Variants in KHDRBS2 observed in about 807,000 individuals in gnomAD.
The protein encoded by KHDRBS2 is KH RNA binding domain containing, signal transduction associated 2, also known as KH domain-containing, RNA-binding, signal transduction-associated protein 2.
In KHDRBS2, 26 loss-of-function variants were observed where a neutral mutation model predicts 44.3. The ratio of observed to expected loss-of-function variants is 0.59; its 90% confidence interval spans 0.43 to 0.81. KHDRBS2 has a LOEUF of 0.81. Among genes scored for constraint, KHDRBS2 ranks in the 40% least tolerant of loss-of-function variants. The pLI is 0.00. For synonymous variants in KHDRBS2, 194 were observed against 151.1 expected, an observed-to-expected ratio of 1.28 and a Z score of -2.08; for missense variants, 476 against 433.1, an observed-to-expected ratio of 1.10 and a Z score of -0.88.
intron 2 of KHDRBS2, among the ~76,000 whole-genome samples, chr6:62,164,552 ATCTG>A (rs1585020255): frequency 6.6e-6 from 1 of 151,862 alleles, no homozygotes; most frequent in Non-Finnish European, 1.5e-5. Flanking sequence ...ACTTCAAATT[ATCTG>A]TCTTACATTT....
At chr6:62,019,463 A>T (rs925796426) in intron 3 of KHDRBS2, among the ~76,000 whole-genome samples, 2 of 152,134 alleles carry the variant, frequency 1.3e-5, no homozygotes, top group African/African-American at 2.4e-5. Context: ...GCATCATAGA[A>T]TGAACTGGGA....
chr6:61,869,946 C>T (rs1327059281), intron 6 of KHDRBS2, among the ~76,000 whole-genome samples: 5 of 147,436 alleles, frequency 3.4e-5, no homozygotes, highest in South Asian at 2.1e-4. Context: ...GGGTAGACAC[C>T]GAACTAGCTG....
intron 1 of KHDRBS2, among the ~76,000 whole-genome samples, chr6:62,246,102 TTATATATATATATATATA>T (rs150717074): frequency 1.8e-4 from 22 of 124,352 alleles, no homozygotes; most frequent in Admixed American, 1.3e-3. Flanking sequence ...TCAATCAATT[TTATATATATATATATATA>T]TATATATATA....
Position 61,697,190 on chromosome 6 carries a change from CT to C in KHDRBS2, c.952+4del. The C allele has an allele frequency of 6.3e-7, 1 of 1,588,564 alleles. No homozygotes were observed. On this transcript the variant is annotated splice_donor_region_variant and intron_variant, in intron 8 of 8. Transcript: ENST00000281156. ...TTCACAGTTTTAGTAAAGAAAAGGT[CT>C]TACCGTAGCTGTCATAGGCATCCTC...
At chr6:62,153,262 C>T (rs140628111) in intron 2 of KHDRBS2, among the ~76,000 whole-genome samples, 7 of 152,162 alleles carry the variant, frequency 4.6e-5, no homozygotes, top group African/African-American at 1.4e-4. Flanking sequence ...TCCTAATTTG[C>T]TTGTACAACT....
the KHDRBS2 span, among the ~76,000 whole-genome samples, chr6:61,560,469 T>C: frequency 6.6e-6 from 1 of 152,110 alleles, no homozygotes; most frequent in African/African-American, 2.4e-5. Context: ...ATTTTCTATA[T>C]CTTGTAGGCA....
the KHDRBS2 span, among the ~76,000 whole-genome samples, chr6:61,579,148 T>A: frequency 6.6e-6 from 1 of 152,104 alleles, no homozygotes; most frequent in Non-Finnish European, 1.5e-5. Context: ...GATAGAAACC[T>A]CCCTCCTTTG....
the KHDRBS2 span, among the ~76,000 whole-genome samples, chr6:61,622,086 T>A: frequency 3.9e-5 from 6 of 152,242 alleles, no homozygotes; most frequent in Non-Finnish European, 8.8e-5. Context: ...AGCTAAACTC[T>A]ACACTTTTGA....
the KHDRBS2 span, among the ~76,000 whole-genome samples, chr6:61,643,850 G>C: frequency 0.024 from 3,719 of 152,218 alleles, 70 homozygotes; most frequent in Middle Eastern, 0.088. Context: ...TGGATAGGAA[G>C]AATCAATATC....
intron 6 of KHDRBS2, among the ~76,000 whole-genome samples, chr6:61,830,933 G>A (rs1791696194): frequency 1.3e-5 from 2 of 152,048 alleles, no homozygotes; most frequent in Admixed American, 1.3e-4. Context: ...TATATCATTA[G>A]GGGAAAAATG....
chr6:61,744,637 T>G (rs1048248738), intron 6 of KHDRBS2, among the ~76,000 whole-genome samples: 3 of 152,092 alleles, frequency 2.0e-5, no homozygotes, highest in Admixed American at 2.0e-4. Context: ...GTTATACTGT[T>G]TCCTTGTTTA....
the KHDRBS2 span, among the ~76,000 whole-genome samples, chr6:61,566,644 G>T: frequency 6.6e-6 from 1 of 152,240 alleles, no homozygotes; most frequent in African/African-American, 2.4e-5. Context: ...TGTTAGGTCT[G>T]ATCTCTTTCA....
chr6:62,224,030 C>T lies in KHDRBS2; in HGVS notation c.92-46718G>A, dbSNP rs377426425. Among the ~76,000 whole-genome samples, 50 of 152,220 alleles carry T rather than the reference C, an allele frequency of 3.3e-4. No homozygotes were observed. The East Asian group carries it at 6.9e-3, about 21-fold the overall frequency. On this transcript the variant is annotated intron_variant, in intron 1 of 8. Coordinates refer to ENST00000281156, the MANE Select transcript of KHDRBS2 (RefSeq NM_152688.4). Reference sequence around the variant, plus strand: ...GGTATATTTTCAGCAACTCCTCATTCGCAGTACCAATTTACTGTATTAGTC... The same window carrying T: ...GGTATATTTTCAGCAACTCCTCATTTGCAGTACCAATTTACTGTATTAGTC...
the KHDRBS2 span, among the ~76,000 whole-genome samples, chr6:61,611,614 T>C: frequency 7.2e-5 from 11 of 152,344 alleles, no homozygotes; most frequent in African/African-American, 2.4e-4. Context: ...ATTCATCTAG[T>C]TAGTGAGTCC....
intron 4 of KHDRBS2, among the ~76,000 whole-genome samples, chr6:61,964,389 TC>T (rs1273569510): frequency 6.6e-6 from 1 of 152,016 alleles, no homozygotes; most frequent in Non-Finnish European, 1.5e-5. Context: ...TAAAGTATAA[TC>T]CAGCTTTGAT....
chr6:61,988,926 G>A (rs1775590284), intron 3 of KHDRBS2, among the ~76,000 whole-genome samples: 1 of 152,120 alleles, frequency 6.6e-6, no homozygotes. Flanking sequence ...CATGTCAACT[G>A]AATTGCTGGA....
At chr6:61,684,166 A>T (rs1197756509) in intron 8 of KHDRBS2, among the ~76,000 whole-genome samples, 1 of 151,848 alleles carries the variant, frequency 6.6e-6, no homozygotes, top group African/African-American at 2.4e-5. Flanking sequence ...TGTTCTTTGG[A>T]TTGAGATTGG....
chr6:61,639,949 A>G, the KHDRBS2 span, among the ~76,000 whole-genome samples: 1 of 152,112 alleles, frequency 6.6e-6, no homozygotes, highest in Non-Finnish European at 1.5e-5. Context: ...ATGTACAGAC[A>G]TAGTAACCAA....
intron 4 of KHDRBS2, among the ~76,000 whole-genome samples, chr6:61,916,965 ATTTTTTTTTT>A (rs10700035): frequency 2.2e-5 from 2 of 90,638 alleles, no homozygotes; most frequent in African/African-American, 4.3e-5. Flanking sequence ...GGAACTCTGT[ATTTTTTTTTT>A]TTTTTTTTTT....
Sources: allele counts gnomAD v4.1 joint callset (sites outside exome capture counted in the v4.1 genomes callset), GRCh38; gene constraint gnomAD v4.1.1; transcripts MANE v1.5; gene names NCBI Gene and HGNC (gene_info 2026-07-23, HGNC 2026-07-21).